The following ADCY9 variants were observed in gnomAD, a reference collection of about 807,000 sequenced individuals.
ADCY9 encodes adenylate cyclase 9.
Under a neutral mutation model 101.5 loss-of-function variants are expected in ADCY9, and 50 were observed. The observed-to-expected ratio is 0.49, with a 90% confidence interval of 0.39 to 0.62. The LOEUF (loss-of-function observed/expected upper bound fraction) is 0.62. Ranked by LOEUF, ADCY9 falls within the 20% of genes least tolerant of loss-of-function variation. The probability of loss-of-function intolerance (pLI) is 0.00; values close to 1 mark genes in which losing one functional copy is unlikely to be tolerated. For missense variants in ADCY9, 1,662 were observed against 1,800.4 expected (o/e 0.92, Z 1.39); for synonymous variants, 905 against 769.3 (o/e 1.18, Z -2.92).
At chr16:3,972,343 C>A (rs1481427244) in intron 10 of ADCY9, among the ~76,000 whole-genome samples, 1 of 151,814 alleles carries the variant, frequency 6.6e-6, no homozygotes, top group Admixed American at 6.6e-5. Flanking sequence ...AATTCTCCTG[C>A]CTCAGCCTCC....
chr16:4,023,260 G>C (rs1325687949), intron 2 of ADCY9, among the ~76,000 whole-genome samples: 1 of 152,232 alleles, frequency 6.6e-6, no homozygotes, highest in Non-Finnish European at 1.5e-5. Flanking sequence ...CTCAGTGGTA[G>C]GAACCAGTGG....
chr16:3,975,467 T>C (rs2056085738), intron 9 of ADCY9, among the ~76,000 whole-genome samples: 1 of 152,180 alleles, frequency 6.6e-6, no homozygotes, highest in African/African-American at 2.4e-5. Context: ...GCTTTGCTAA[T>C]AACCAAAGAC....
intron 9 of ADCY9, 44 bp from the exon 10 acceptor site, chr16:3,974,754 A>G: frequency 6.5e-7 from 1 of 1,535,598 alleles, no homozygotes; most frequent in Non-Finnish European, 9.0e-7. Flanking sequence ...AGAGCAAAGA[A>G]GGCATTCCAC....
rs1212732397 is a variant in ADCY9, at chr16:4,115,404, G to C, written c.39C>G (p.His13Gln). The C allele has an allele frequency of 1.3e-6, 2 of 1,583,598 alleles. No individual in the cohort carries two copies. Among genetic ancestry groups the C allele is most frequent in the Non-Finnish European group, 1.7e-6 (2 of 1,165,462 alleles). The stretch of plus-strand genomic sequence containing the variant: ...TGGAGTCGCAGCTCACCTCGGTGCT[G>C]TGGTGATGCAGCAGCTGCTGGTGGG... The part of the protein sequence containing the change: ...SPPHQQLLHH[H>Q]STEVSCDSSG... The change falls in exon 2 of 11, where the codon CAC becomes CAG. Residue 13 changes from histidine (H) to glutamine (Q), a missense_variant. His to Gln is a conservative substitution (Grantham distance 24). Coordinates refer to ENST00000294016, the MANE Select transcript of ADCY9 (RefSeq NM_001116.4). This position sits in a 1 kb window ranked among gnomAD's most constrained non-coding sequence, Gnocchi z 6.2.
At chr16:3,974,767 G>A (rs2056080158) in intron 9 of ADCY9, 57 bp from the exon 10 acceptor site, 1 of 1,415,538 alleles carries the variant, frequency 7.1e-7, no homozygotes. Flanking sequence ...CATTCCACAA[G>A]GCAACCTGAG....
At chr16:4,016,262 G>A (rs1465559805) in intron 2 of ADCY9, among the ~76,000 whole-genome samples, 1 of 152,218 alleles carries the variant, frequency 6.6e-6, no homozygotes, top group Non-Finnish European at 1.5e-5. Context: ...ATGAAGGTCT[G>A]CAATAACTAT....
At chr16:4,018,470 C>G (rs2056453136) in intron 2 of ADCY9, among the ~76,000 whole-genome samples, 1 of 152,162 alleles carries the variant, frequency 6.6e-6, no homozygotes, top group Admixed American at 6.5e-5. Context: ...GCCTCGGCCT[C>G]CCAAAGTGCT....
At chr16:4,102,372 G>A (rs987175103) in intron 2 of ADCY9, among the ~76,000 whole-genome samples, 10 of 151,894 alleles carry the variant, frequency 6.6e-5, no homozygotes, top group African/African-American at 2.2e-4. Flanking sequence ...ACCATTCAAG[G>A]GTGAGCCCTT....
At position 4,068,889 on chromosome 16, in the gene ADCY9, A is replaced by G. The variant is rs375632170; in HGVS notation, c.1693+44861T>C. On this transcript the variant is annotated intron_variant, in intron 2 of 10. Transcript: ENST00000294016. ...ACACGCAGATCTATCTCATTCTTAC[A>G]AATGGTTACAACTATTCCACCATAA... Among the ~76,000 whole-genome samples, 19 of 152,196 alleles carry G rather than the reference A, an allele frequency of 1.2e-4. No individual in the cohort carries two copies. In the East Asian group the frequency reaches 1.5e-3, roughly 12 times the overall value.
intron 3 of ADCY9, among the ~76,000 whole-genome samples, chr16:3,997,348 G>C (rs2056295365): frequency 6.6e-6 from 1 of 152,372 alleles, no homozygotes; most frequent in African/African-American, 2.4e-5. Flanking sequence ...GCTTCCCTCA[G>C]AGGGGCTGGA....
chr16:4,055,484 A>C (rs1479711406), intron 2 of ADCY9, among the ~76,000 whole-genome samples: 2 of 151,866 alleles, frequency 1.3e-5, no homozygotes, highest in African/African-American at 4.8e-5. Flanking sequence ...CAGTGAGTCA[A>C]GATCAGGCCA....
At chr16:4,026,135 A>G (rs4786454) in intron 2 of ADCY9, among the ~76,000 whole-genome samples, 117,858 of 152,116 alleles carry the variant, frequency 0.77, 45,977 homozygotes, top group Non-Finnish European at 0.83. Flanking sequence ...TTATGAAACT[A>G]AAGTAGAGGC....
chr16:4,088,134 G>A (rs1459076850), intron 2 of ADCY9, among the ~76,000 whole-genome samples: 1 of 151,796 alleles, frequency 6.6e-6, no homozygotes, highest in Non-Finnish European at 1.5e-5. Flanking sequence ...GCCTTGGGAA[G>A]TAGATATTAA....
In ADCY9 at chr16:4,041,082, T is replaced by C. The variant is rs558962421; in HGVS notation, c.1694-33524A>G. 6.6e-5 allele frequency among the ~76,000 whole-genome samples: 10 copies of C among 152,250 alleles called. No homozygotes were observed. The East Asian group carries it at 1.9e-3, about 29-fold the overall frequency. On this transcript the variant is annotated intron_variant, in intron 2 of 10. Coordinates refer to ENST00000294016, the MANE Select transcript of ADCY9 (RefSeq NM_001116.4). ...TCAAAGCCCAGGGAGGAAAATCATATAGGGGACATTAAAGACCAGCAGGGT... is the reference window on the plus strand; with the variant it reads ...TCAAAGCCCAGGGAGGAAAATCATACAGGGGACATTAAAGACCAGCAGGGT...
chr16:3,989,071 G>A lies in ADCY9; in HGVS notation c.2233C>T (p.Pro745Ser). The change falls in exon 6 of 11, where the codon CCG (proline) becomes TCG (serine). Residue 745 changes from proline (P) to serine (S), a missense_variant. Physicochemically the swap from Pro to Ser is moderately conservative, Grantham distance 74. Around this residue, in one of 5 missense-constraint regions of ADCY9, gnomAD observed 624 missense variants for 639.1 expected, o/e 0.98. Transcript: ENST00000294016. ...DSLMKDYFFK[P>S]PINQFSLNFL... ...TTCAGGCTGAACTGATTAATGGGCG[G>A]CTTAAAAAAGTAATCTTTCATCAGG... 6.2e-7 allele frequency: 1 copy of A among 1,613,930 alleles called. No individual in the cohort carries two copies. The highest frequency in any genetic ancestry group is 8.5e-7 in the Non-Finnish European group (1 of 1,179,824).
intron 2 of ADCY9, among the ~76,000 whole-genome samples, chr16:4,082,923 G>C (rs534493886): frequency 6.6e-6 from 1 of 152,220 alleles, no homozygotes; most frequent in Non-Finnish European, 1.5e-5. Flanking sequence ...TTCCATGCCA[G>C]TAAAATAAGA....
chr16:4,061,949 G>A (rs2056776030), intron 2 of ADCY9, among the ~76,000 whole-genome samples: 1 of 152,156 alleles, frequency 6.6e-6, no homozygotes, highest in African/African-American at 2.4e-5. Flanking sequence ...ATACCACAGA[G>A]GAGGTAGATA....
At chr16:3,997,506 C>G (rs2056296781) in intron 3 of ADCY9, among the ~76,000 whole-genome samples, 1 of 152,242 alleles carries the variant, frequency 6.6e-6, no homozygotes. Flanking sequence ...ATAAGAAGTT[C>G]TGATACAGAA....
chr16:4,107,826 A>G (rs1360782898), intron 2 of ADCY9, among the ~76,000 whole-genome samples: 2 of 152,136 alleles, frequency 1.3e-5, no homozygotes, highest in Admixed American at 1.3e-4. Context: ...TTGTTTGCAG[A>G]GGCTAACGCA....
Sources: allele counts gnomAD v4.1 joint callset (sites outside exome capture counted in the v4.1 genomes callset), GRCh38; gene constraint gnomAD v4.1.1; regional missense constraint gnomAD v4.1.1; non-coding constraint Gnocchi (gnomAD v3.1); transcripts MANE v1.5; gene names NCBI Gene and HGNC (gene_info 2026-07-23, HGNC 2026-07-21).